METTL22: variants seen among roughly 807,000 people sequenced by gnomAD.
The protein encoded by METTL22 is methyltransferase 22, Kin17 lysine, also known as methyltransferase-like protein 22.
Under a neutral mutation model 48.4 loss-of-function variants are expected in METTL22, and 51 were observed. The observed-to-expected ratio is 1.05, with a 90% CI of 0.84 to 1.33. The LOEUF is 1.33. METTL22 is among the 40% of genes most tolerant of loss of function. The probability of loss-of-function intolerance (pLI) is 0.00; values close to 1 mark genes in which losing one functional copy is unlikely to be tolerated. For synonymous variants in METTL22, 255 were observed against 214.1 expected (o/e 1.19, Z -1.67); for missense variants, 678 against 526.9 (o/e 1.29, Z -2.81).
chr16:8,652,921 C>T (rs962665870), downstream of METTL22, among the ~76,000 whole-genome samples: 1 of 152,156 alleles, frequency 6.6e-6, no homozygotes, highest in African/African-American at 2.4e-5. Flanking sequence ...GTGGTCTTCC[C>T]AACGGGATGA....
chr16:8,657,555 T>C, the METTL22 span, among the ~76,000 whole-genome samples: 9 of 152,168 alleles, frequency 5.9e-5, no homozygotes, highest in African/African-American at 2.2e-4. Flanking sequence ...GTCTACTATA[T>C]GGAGTTCAAA....
At chr16:8,646,030 G>GGCTGACGTGTTTTCT in intron 10 of METTL22, 78 bp from the exon 11 acceptor site, 1 of 1,397,578 alleles carries the variant, frequency 7.2e-7, no homozygotes, top group Non-Finnish European at 9.3e-7. Flanking sequence ...TCTCCTTGGT[G>GGCTGACGTGTTTTCT]AATCACTTTC....
rs939479299 is a variant in METTL22 at position 8,635,181 on chromosome 16, C to T, written c.569C>T (p.Ala190Val). 2 of 1,610,464 alleles carry T rather than the reference C, an allele frequency of 1.2e-6. No individual in the cohort carries two copies. The highest frequency in any genetic ancestry group is 1.7e-6 in the Non-Finnish European group (2 of 1,178,096). ...EDVGKQVWRGALLLADYILFR... is the reference protein window; with the variant it reads ...EDVGKQVWRGVLLLADYILFR... ...TCTTCCCTCCAGGTGTGGCGGGGCG[C>T]CCTGCTCCTGGCAGACTACATCCTG... Residue 190 changes from alanine to valine, a missense_variant, in exon 5 of 11, where the codon GCC (alanine) becomes GTC (valine). Coordinates refer to ENST00000381920, the MANE Select transcript of METTL22 (RefSeq NM_024109.4).
At chr16:8,641,106 G>C in intron 6 of METTL22, 25 bp from the exon 7 acceptor site, 1 of 1,611,844 alleles carries the variant, frequency 6.2e-7, no homozygotes, top group Non-Finnish European at 8.5e-7. Context: ...AGTTTGGAAA[G>C]TTCTCTTTTT....
At chr16:8,625,412 A>G (rs2056012572) in intron 1 of METTL22, 84 bp from the exon 2 acceptor site, 2 of 303,566 alleles carry the variant, frequency 6.6e-6, no homozygotes, top group Non-Finnish European at 1.2e-5. Flanking sequence ...TACTATGAAA[A>G]TGAATATAAT....
chr16:8,655,326 G>A, the METTL22 span, among the ~76,000 whole-genome samples: 1 of 152,178 alleles, frequency 6.6e-6, no homozygotes, highest in Non-Finnish European at 1.5e-5. Context: ...GCAGGATTCA[G>A]TTCCTCACCT....
chr16:8,642,209 T>G lies in METTL22; in HGVS notation c.907+2T>G. 6.2e-7 allele frequency: 1 copy of G among 1,611,244 alleles called. No homozygotes were observed. Among genetic ancestry groups the G allele is most frequent in the Non-Finnish European group, 8.5e-7 (1 of 1,177,476 alleles). On this transcript the variant is annotated splice_donor_variant, in intron 8 of 10. Coordinates refer to ENST00000381920, the MANE Select transcript of METTL22 (RefSeq NM_024109.4). LOFTEE classifies it high-confidence loss of function. ...CCACCATCCTGTTTGCAGCCGAAGG[T>G]AAGAAAATTTCTCCTTCGCCGTACA...
At chr16:8,656,354 T>G in the METTL22 span, among the ~76,000 whole-genome samples, 1 of 152,296 alleles carries the variant, frequency 6.6e-6, no homozygotes, top group African/African-American at 2.4e-5. Flanking sequence ...ACTTCCTAAA[T>G]GATTTTATTT....
At chr16:8,645,969 C>CTGA in intron 10 of METTL22, 139 bp from the exon 11 acceptor site, 1 of 1,262,446 alleles carries the variant, frequency 7.9e-7, no homozygotes, top group Non-Finnish European at 9.8e-7. Flanking sequence ...AGCCGCCCGT[C>CTGA]CGCTCCTGCC....
intron 1 of METTL22, among the ~76,000 whole-genome samples, chr16:8,623,302 C>T (rs1244476740): frequency 6.7e-6 from 1 of 148,624 alleles, no homozygotes; most frequent in East Asian, 2.0e-4. Flanking sequence ...CAGAGTGAGA[C>T]TCTGTCTCAG....
intron 3 of METTL22, chr16:8,631,701 A>G (rs575387117): frequency 6.6e-6 from 1 of 152,370 alleles, no homozygotes; most frequent in East Asian, 1.9e-4. Context: ...CTAGAATCTG[A>G]TAAGGACAGG....
chr16:8,652,323 G>C (rs2056911090), downstream of METTL22, among the ~76,000 whole-genome samples: 1 of 151,740 alleles, frequency 6.6e-6, no homozygotes, highest in South Asian at 2.1e-4. Flanking sequence ...GCCGGGCGTG[G>C]TGGTGCACAG....
In METTL22 at chr16:8,630,957, C is replaced by G. The variant is rs191153981; in HGVS notation, c.514+1847C>G. Reference sequence around the variant, plus strand: ...GATTTTGAGCCCAGCTCCATCTTCACAAGCCAGGTGACCAGAGACAAATGT... The same window carrying G: ...GATTTTGAGCCCAGCTCCATCTTCAGAAGCCAGGTGACCAGAGACAAATGT... On this transcript the variant is annotated intron_variant, in intron 3 of 10. Transcript: ENST00000381920. Among the ~76,000 whole-genome samples the G allele has an allele frequency of 3.1e-3, 467 of 152,356 alleles. 1 individual carries two copies. Among genetic ancestry groups the G allele is most frequent in the Non-Finnish European group, 5.7e-3 (386 of 68,038 alleles).
chr16:8,644,581 G>A lies in METTL22; in HGVS notation c.1035G>A (p.Leu345=), dbSNP rs199797504. 161 of 1,576,684 alleles carry A rather than the reference G, an allele frequency of 1.0e-4. No homozygotes were observed. The highest frequency in any genetic ancestry group is 1.0e-3 in the Middle Eastern group (6 of 5,974). Residue 345 remains leucine (L), a synonymous_variant, in exon 10 of 11, where the codon TTG becomes TTA. Transcript: ENST00000381920. ...GGCTCAACTTCACATTGAGACACTTGGACGTCACATGTGAAGCCTACGATC... is the reference window on the plus strand; with the variant it reads ...GGCTCAACTTCACATTGAGACACTTAGACGTCACATGTGAAGCCTACGATC... ...EKRLNFTLRH[L]DVTCEAYDHF... is the part of the protein sequence containing the mutation.
chr16:8,640,185 A>C (rs116483914), intron 6 of METTL22, among the ~76,000 whole-genome samples: 3,784 of 152,206 alleles, frequency 0.025, 143 homozygotes, highest in African/African-American at 0.087. Context: ...CACTGTCACA[A>C]TGTTTGTTGA....
In METTL22 at chr16:8,646,985, C is replaced by T; in HGVS notation, c.*842C>T. On this transcript the variant is annotated 3_prime_UTR_variant, in exon 11 of 11. Transcript: ENST00000381920. ...TCTCTCCTTCTCTCCAGTTTTGGTC[C>T]CATCTTCCTGCTACCCTTGGCCCTC... The T allele has an allele frequency of 6.1e-6, 2 of 328,198 alleles. No individual in the cohort carries two copies. The highest frequency in any genetic ancestry group is 1.2e-5 in the Non-Finnish European group (2 of 166,530). 20.3% of individuals were successfully genotyped at this position (328,198 alleles called of 1,614,324 possible).
intron 5 of METTL22, among the ~76,000 whole-genome samples, chr16:8,638,087 C>T (rs1224138859): frequency 1.3e-5 from 2 of 150,526 alleles, no homozygotes; most frequent in Non-Finnish European, 3.0e-5. Flanking sequence ...GTGGAGGTTG[C>T]AGTGAGCCAA....
rs1400035833 is a variant in METTL22, at chr16:8,628,818, A to G, written c.222A>G (p.Thr74=). Residue 74 remains threonine (T), a synonymous_variant, in exon 3 of 11, where the codon ACA becomes ACG. Transcript: ENST00000381920. ...AKGGSHRDVH[T]KEPPSAETGS... ...GTGGCAGTCACAGAGATGTTCACAC[A>G]AAGGAGCCTCCTTCTGCTGAGACAG... 1 of 1,614,192 alleles carries G rather than the reference A, an allele frequency of 6.2e-7. No homozygotes were observed. The highest frequency in any genetic ancestry group is 2.2e-5 in the East Asian group (1 of 44,886).
chr16:8,644,891 G>A (rs919457777), intron 10 of METTL22, 166 bp downstream of exon 10: 1 of 690,706 alleles, frequency 1.4e-6, no homozygotes, highest in Non-Finnish European at 2.2e-6. Flanking sequence ...CCTGTTGGGG[G>A]AGCTACATCC....
Sources: gnomAD v4.1 joint callset for allele counts (sites outside exome capture counted in the v4.1 genomes callset) on GRCh38, gnomAD v4.1.1 for gene constraint, MANE v1.5 for transcripts, NCBI Gene and HGNC (gene_info 2026-07-23, HGNC 2026-07-21) for gene names.